The following DMXL2 variants were observed in gnomAD, a reference collection of about 807,000 sequenced individuals.
DMXL2 encodes dmX-like protein 2.
A neutral mutation model predicts 331.1 loss-of-function variants in DMXL2; 103 were observed. The ratio of observed to expected loss-of-function variants is 0.31; its 90% confidence interval spans 0.27 to 0.37. DMXL2 has a LOEUF of 0.37. DMXL2 is among the 10% of genes least tolerant of loss of function. The pLI, the probability that DMXL2 is intolerant of heterozygous loss-of-function variation, is 1.00. For synonymous variants in DMXL2, 1,281 were observed against 1,252.1 expected (o/e 1.02, Z -0.49); for missense variants, 3,171 against 3,642.9 (o/e 0.87, Z 3.33).
chr15:51,514,219 C>G (rs925102803), intron 15 of DMXL2, among the ~76,000 whole-genome samples: 1 of 152,084 alleles, frequency 6.6e-6, no homozygotes, highest in Admixed American at 6.6e-5. Context: ...TTCACAGATA[C>G]CATTTCTTAG....
intron 6 of DMXL2, among the ~76,000 whole-genome samples, chr15:51,559,525 G>A (rs182979929): frequency 1.4e-4 from 21 of 152,076 alleles, no homozygotes; most frequent in African/African-American, 4.8e-4. Context: ...AACCAGCTTG[G>A]GCAACATAAG....
chr15:51,542,336 T>G lies in DMXL2; in HGVS notation c.1102A>C (p.Thr368Pro), dbSNP rs761541893. The change falls in exon 9 of 44, where the codon ACA (threonine) becomes CCA (proline). Residue 368 changes from threonine (T) to proline (P), a missense_variant. Physicochemically the swap from Thr to Pro is conservative, Grantham distance 38 (BLOSUM62 -1). Coordinates refer to ENST00000560891, the MANE Select transcript of DMXL2 (RefSeq NM_001378457.1). ...GAAATAAAACTTTATCCTTTACCTGTGGCAGGGTTGATGCTTGCTGCAATA... is the reference window on the plus strand; with the variant it reads ...GAAATAAAACTTTATCCTTTACCTGGGGCAGGGTTGATGCTTGCTGCAATA... ...FHIAASINPA[T>P]DIPNVLVGTA... The G allele has an allele frequency of 6.2e-7, 1 of 1,612,878 alleles. No homozygotes were observed. Among genetic ancestry groups the G allele is most frequent in the East Asian group, 2.2e-5 (1 of 44,856 alleles).
chr15:51,608,244 T>C (rs968779120), intron 1 of DMXL2, among the ~76,000 whole-genome samples: 2 of 151,992 alleles, frequency 1.3e-5, no homozygotes, highest in Admixed American at 6.6e-5. Flanking sequence ...GCAATCCCAT[T>C]ATTGGGTATA....
At chr15:51,579,176 T>C (rs916134873) in intron 1 of DMXL2, among the ~76,000 whole-genome samples, 19 of 152,178 alleles carry the variant, frequency 1.2e-4, no homozygotes, top group African/African-American at 4.6e-4. Flanking sequence ...ACCAAACTAG[T>C]AATTCCCATC....
intron 14 of DMXL2, among the ~76,000 whole-genome samples, chr15:51,516,474 G>A (rs1342565765): frequency 6.6e-6 from 1 of 152,210 alleles, no homozygotes; most frequent in Non-Finnish European, 1.5e-5. Context: ...CCTCTATTGA[G>A]TTGAAAAGAG....
At chr15:51,574,559 CACTT>C (rs2141121383) in intron 2 of DMXL2, among the ~76,000 whole-genome samples, 1 of 152,274 alleles carries the variant, frequency 6.6e-6, no homozygotes, top group African/African-American at 2.4e-5. Flanking sequence ...CTTCAAATGA[CACTT>C]ACGCAAAAAG....
Position 51,499,600 on chromosome 15 carries a change from C to T in DMXL2, c.3624G>A (p.Lys1208=), listed in dbSNP as rs143088657. 2.2e-4 allele frequency: 359 copies of T among 1,614,118 alleles called. 4 individuals are homozygous for T. In the African/African-American group the frequency reaches 4.5e-3, roughly 20 times the overall value. Residue 1208 remains lysine, a synonymous_variant, in exon 18 of 44, where the codon AAG becomes AAA. Coordinates refer to ENST00000560891, the MANE Select transcript of DMXL2 (RefSeq NM_001378457.1). ...GTAAAGTGATGACAGCTACTCCATC[C>T]TTACTGTTGGTTTGCTCAGTCACAA... ...SGIVTEQTNS[K]DGVAVITLPL...
At chr15:51,511,984 T>C (rs2046782859) in intron 15 of DMXL2, among the ~76,000 whole-genome samples, 1 of 151,998 alleles carries the variant, frequency 6.6e-6, no homozygotes, top group Non-Finnish European at 1.5e-5. Flanking sequence ...AAGTGGGAGT[T>C]GAACAATGAG....
At chr15:51,540,986 G>C (rs2048562867) in intron 9 of DMXL2, among the ~76,000 whole-genome samples, 1 of 152,088 alleles carries the variant, frequency 6.6e-6, no homozygotes, top group Admixed American at 6.5e-5. Flanking sequence ...TTTCTAATAT[G>C]TATTGAATTT....
chr15:51,564,358 G>T, intron 4 of DMXL2, 98 bp from the exon 5 acceptor site: 1 of 953,018 alleles, frequency 1.0e-6, no homozygotes, highest in Non-Finnish European at 1.4e-6. Context: ...TTAATATTAT[G>T]TGAAAAGTAA....
intron 1 of DMXL2, among the ~76,000 whole-genome samples, chr15:51,590,490 TCTA>T (rs1346367008): frequency 6.6e-6 from 1 of 152,224 alleles, no homozygotes; most frequent in African/African-American, 2.4e-5. Flanking sequence ...GGAAGATTTG[TCTA>T]CTATTCTCTT....
chr15:51,581,410 C>T (rs967217022), intron 1 of DMXL2, among the ~76,000 whole-genome samples: 6 of 152,102 alleles, frequency 3.9e-5, no homozygotes, highest in African/African-American at 1.4e-4. Flanking sequence ...GTTTAATGTC[C>T]TAATGAACAA....
intron 41 of DMXL2, chr15:51,453,247 T>G (rs2039314979): frequency 4.6e-6 from 1 of 215,464 alleles, no homozygotes; most frequent in Non-Finnish European, 9.1e-6. Context: ...AAAATAAAAA[T>G]GTTGAGAATG....
intron 1 of DMXL2, among the ~76,000 whole-genome samples, chr15:51,611,736 C>T (rs944985760): frequency 6.6e-6 from 1 of 152,100 alleles, no homozygotes; most frequent in African/African-American, 2.4e-5. Flanking sequence ...AGCTGGACTT[C>T]CTGGGTCGAA....
chr15:51,609,641 G>A (rs567272792), intron 1 of DMXL2, among the ~76,000 whole-genome samples: 42 of 152,222 alleles, frequency 2.8e-4, no homozygotes, highest in African/African-American at 9.4e-4. Flanking sequence ...TACTATCTAC[G>A]TTTGTGGCCG....
intron 1 of DMXL2, among the ~76,000 whole-genome samples, chr15:51,593,223 T>C (rs572121364): frequency 6.6e-5 from 10 of 152,180 alleles, no homozygotes; most frequent in Admixed American, 4.6e-4. Context: ...GAGGAAGATC[T>C]ACCAAGCAAA....
chr15:51,465,258 A>T (rs1477812873), intron 31 of DMXL2, among the ~76,000 whole-genome samples: 1 of 152,112 alleles, frequency 6.6e-6, no homozygotes, highest in Non-Finnish European at 1.5e-5. Flanking sequence ...TTAGCCCAGC[A>T]TGGTAGCACA....
intron 10 of DMXL2, 59 bp downstream of exon 10, chr15:51,538,154 T>G (rs2048386819): frequency 6.5e-7 from 1 of 1,544,032 alleles, no homozygotes; most frequent in African/African-American, 1.4e-5. Flanking sequence ...AAACTAAAAG[T>G]GGTACCACAG....
intron 3 of DMXL2, 56 bp from the exon 4 acceptor site, chr15:51,565,222 A>G (rs1397873196): frequency 3.4e-6 from 4 of 1,166,750 alleles, no homozygotes; most frequent in Non-Finnish European, 3.6e-6. Flanking sequence ...TTTTCAAATA[A>G]TATCCCAAAA....
Sources: allele counts gnomAD v4.1 joint callset (sites outside exome capture counted in the v4.1 genomes callset), GRCh38; gene constraint gnomAD v4.1.1; transcripts MANE v1.5; gene names NCBI Gene and HGNC (gene_info 2026-07-23, HGNC 2026-07-21).